The following CEACAM20 variants were observed in gnomAD, a reference collection of about 807,000 sequenced individuals.
CEACAM20 encodes cell adhesion molecule CEACAM20.
In CEACAM20, 50 loss-of-function variants were observed where a neutral mutation model predicts 61.2. The ratio of observed to expected loss-of-function variants is 0.82; its 90% CI spans 0.65 to 1.03. The LOEUF is 1.03. Ranked by LOEUF, CEACAM20 falls within the 50% of genes least tolerant of loss-of-function variation. The pLI, the probability that CEACAM20 is intolerant of heterozygous loss-of-function variation, is 0.00. For synonymous variants in CEACAM20, 282 were observed against 287.7 expected (o/e 0.98, Z 0.20); for missense variants, 683 against 736.4 (o/e 0.93, Z 0.84).
Position 44,513,176 on chromosome 19 carries a change from T to C in CEACAM20, c.1423A>G (p.Arg475Gly), listed in dbSNP as rs770959812. The C allele has an allele frequency of 1.2e-6, 2 of 1,610,296 alleles. No homozygotes were observed. Among genetic ancestry groups the C allele is most frequent in the Non-Finnish European group, 1.7e-6 (2 of 1,176,748 alleles). The change falls in exon 7 of 12, where the codon AGA (arginine) becomes GGA (glycine). Residue 475 changes from arginine (R) to glycine (G), a missense_variant. Arg to Gly is a moderately radical substitution (Grantham distance 125). Coordinates refer to ENST00000614924, the MANE Select transcript of CEACAM20 (RefSeq NM_001102597.3). ...LGYFLCIRNA[R>G]RPSRKTTEDP... The stretch of plus-strand genomic sequence containing the variant: ...CTCCCTGTATCCCTGTGTTACCGTC[T>C]GGCATTTCTGATGCAGAGAAAATAG...
chr19:44,512,787 C>T (rs1971039194), intron 8 of CEACAM20, 81 bp downstream of exon 8: 2 of 1,161,954 alleles, frequency 1.7e-6, no homozygotes, highest in Admixed American at 4.0e-5. Context: ...GACCTGGTGG[C>T]AAAGCTGGGA....
At chr19:44,511,539 G>A in intron 10 of CEACAM20, 98 bp downstream of exon 10, 1 of 1,249,088 alleles carries the variant, frequency 8.0e-7, no homozygotes, top group Non-Finnish European at 1.1e-6. Flanking sequence ...GCCATGAAAT[G>A]TTTAGACAAG....
chr19:44,522,967 T>G, intron 3 of CEACAM20, 55 bp from the exon 4 acceptor site: 1 of 1,449,316 alleles, frequency 6.9e-7, no homozygotes, highest in South Asian at 1.2e-5. Context: ...ACAGGTCTCT[T>G]ATGGAGGTCT....
At chr19:44,511,784 C>A in intron 9 of CEACAM20, 112 bp from the exon 10 acceptor site, 1 of 1,122,502 alleles carries the variant, frequency 8.9e-7, no homozygotes, top group Non-Finnish European at 1.3e-6. Context: ...TTCTGATTCC[C>A]AGAGGGCTCA....
At chr19:44,525,024 C>T in intron 2 of CEACAM20, 77 bp downstream of exon 2, 3 of 1,567,028 alleles carry the variant, frequency 1.9e-6, no homozygotes, top group Non-Finnish European at 2.6e-6. Context: ...CCTCTGGGGA[C>T]TTTGGGCGTG....
intron 5 of CEACAM20, 57 bp from the exon 6 acceptor site, chr19:44,517,281 C>A: frequency 6.4e-7 from 1 of 1,573,426 alleles, no homozygotes; most frequent in Non-Finnish European, 8.6e-7. Context: ...TCATCCCATT[C>A]TGCCCCATTC....
At position 44,522,642 on chromosome 19, in the gene CEACAM20, C is replaced by G. The variant is rs749173684; in HGVS notation, c.743G>C (p.Arg248Pro). Residue 248 changes from arginine to proline, a missense_variant, in exon 4 of 12, where the codon CGA becomes CCA. Physicochemically the swap from Arg to Pro is moderately radical, Grantham distance 103 (BLOSUM62 -2). Coordinates refer to ENST00000614924, the MANE Select transcript of CEACAM20 (RefSeq NM_001102597.3). Reference sequence around the variant, plus strand: ...CGGGAAAGGAGACTCACCAAGTACTCGGACCTTCAGAGTACCCAGGCTGGA... The same window carrying G: ...CGGGAAAGGAGACTCACCAAGTACTGGGACCTTCAGAGTACCCAGGCTGGA... ...HLSSLGTLKV[R>P]VLETLTMPQV... 1 of 1,612,582 alleles carries G rather than the reference C, an allele frequency of 6.2e-7. No individual in the cohort carries two copies. Among genetic ancestry groups the G allele is most frequent in the African/African-American group, 1.3e-5 (1 of 74,888 alleles).
At chr19:44,525,277 G>A in intron 1 of CEACAM20, 33 bp from the exon 2 acceptor site, 2 of 1,549,084 alleles carry the variant, frequency 1.3e-6, no homozygotes, top group Non-Finnish European at 1.7e-6. Flanking sequence ...TTCAGGGAGG[G>A]AGAGGTGTGT....
At position 44,520,639 on chromosome 19, in the gene CEACAM20, G is replaced by A. The variant is rs952362514; in HGVS notation, c.865C>T (p.Leu289=). The A allele has an allele frequency of 1.9e-5, 30 of 1,613,928 alleles. No individual in the cohort carries two copies. The highest frequency in any genetic ancestry group is 2.5e-5 in the Non-Finnish European group (29 of 1,179,900). ...VNQSVNVQWF[L]SGQPLLPSEH... is the part of the protein sequence containing the mutation. ...CTGGGCAGGAGGGGCTGGCCACTTAGGAACCACTGGACATTCACACTCTGA... is the reference window on the plus strand; with the variant it reads ...CTGGGCAGGAGGGGCTGGCCACTTAAGAACCACTGGACATTCACACTCTGA... The change falls in exon 5 of 12, where the codon CTA becomes TTA. Residue 289 remains leucine (L), a synonymous_variant. Transcript: ENST00000614924.
chr19:44,515,091 A>G (rs919194390), intron 6 of CEACAM20, among the ~76,000 whole-genome samples: 3 of 151,988 alleles, frequency 2.0e-5, no homozygotes, highest in East Asian at 1.9e-4. Context: ...ACCTGCCTCA[A>G]CCTCCCAAAG....
chr19:44,525,504 G>A (rs546619597), intron 1 of CEACAM20, among the ~76,000 whole-genome samples: 6 of 152,092 alleles, frequency 3.9e-5, no homozygotes, highest in African/African-American at 9.7e-5. Context: ...ATGCAGTGGC[G>A]CAATCTCAGC....
chr19:44,522,984 G>T, intron 3 of CEACAM20, 72 bp from the exon 4 acceptor site: 1 of 1,288,132 alleles, frequency 7.8e-7, no homozygotes, highest in Non-Finnish European at 1.1e-6. Context: ...GTCTTTAACG[G>T]ATCAATAAAT....
intron 11 of CEACAM20, among the ~76,000 whole-genome samples, chr19:44,509,429 T>C (rs901400304): frequency 7.4e-5 from 11 of 149,264 alleles, no homozygotes; most frequent in Non-Finnish European, 1.6e-4. Context: ...GAAATGAAAC[T>C]GAAATCAATG....
At position 44,529,495 on chromosome 19, in the gene CEACAM20, G is replaced by C. The variant is rs1421271154; in HGVS notation, c.15C>G (p.Asp5Glu). 1 of 1,613,776 alleles carries C rather than the reference G, an allele frequency of 6.2e-7. No individual in the cohort carries two copies. The highest frequency in any genetic ancestry group is 1.7e-5 in the Admixed American group (1 of 60,000). Residue 5 changes from aspartate to glutamate, a missense_variant, in exon 1 of 12, where the codon GAC becomes GAG. Physicochemically the swap from Asp to Glu is conservative, Grantham distance 45. Coordinates refer to ENST00000614924, the MANE Select transcript of CEACAM20 (RefSeq NM_001102597.3). MGPA[D>E]SWGHHWMGIL... ...TTCCCATCCAGTGGTGTCCCCATGAGTCAGCAGGCCCCATGGGTCCCGGCA... is the reference window on the plus strand; with the variant it reads ...TTCCCATCCAGTGGTGTCCCCATGACTCAGCAGGCCCCATGGGTCCCGGCA...
rs753102567 is a variant in CEACAM20 at position 44,511,049 on chromosome 19, T to C, written c.1718A>G (p.Asn573Ser). 1.2e-6 allele frequency: 2 copies of C among 1,613,642 alleles called. No individual in the cohort carries two copies. Among genetic ancestry groups the C allele is most frequent in the East Asian group, 2.2e-5 (1 of 44,868 alleles). Residue 573 changes from asparagine to serine, a missense_variant, in exon 11 of 12, where the codon AAC becomes AGC. Asn to Ser is a conservative substitution (Grantham distance 46). Transcript: ENST00000614924. ...PLRLVSTVPKNMESIYEELVN... is the reference protein window; with the variant it reads ...PLRLVSTVPKSMESIYEELVN... ...ACATACCTCATAGATTGACTCCATGTTTTTTGGCACAGTGGAGACCAATCT... is the reference window on the plus strand; with the variant it reads ...ACATACCTCATAGATTGACTCCATGCTTTTTGGCACAGTGGAGACCAATCT...
Position 44,522,759 on chromosome 19 carries a change from G to A in CEACAM20, c.626C>T (p.Ser209Phe), listed in dbSNP as rs746659853. Residue 209 changes from serine to phenylalanine, a missense_variant, in exon 4 of 12, where the codon TCT becomes TTT. Transcript: ENST00000614924. ...GATGGTGAATGTTCTCGTGGTGTGAGACAGAATGGAGTCAAGGAGAAACCA... is the reference window on the plus strand; with the variant it reads ...GATGGTGAATGTTCTCGTGGTGTGAAACAGAATGGAGTCAAGGAGAAACCA... ...YTWFLLDSIL[S>F]HTTRTFTIHA... 1.4e-5 allele frequency: 23 copies of A among 1,613,926 alleles called. No individual in the cohort carries two copies. The Middle Eastern group carries it at 4.9e-4, about 35-fold the overall frequency.
At chr19:44,506,517 A>G (rs995054630) in intron 11 of CEACAM20, among the ~76,000 whole-genome samples, 1 of 152,204 alleles carries the variant, frequency 6.6e-6, no homozygotes, top group Admixed American at 6.5e-5. Flanking sequence ...TCTAACCAAT[A>G]GAATATGGCA....
intron 6 of CEACAM20, among the ~76,000 whole-genome samples, chr19:44,514,202 T>C (rs1201779853): frequency 6.6e-6 from 1 of 152,288 alleles, no homozygotes; most frequent in East Asian, 1.9e-4. Flanking sequence ...AAAGATGAGA[T>C]GAAATCATGA....
intron 11 of CEACAM20, 35 bp from the exon 12 acceptor site, chr19:44,506,249 C>T (rs1163931695): frequency 5.5e-5 from 87 of 1,593,122 alleles, no homozygotes; most frequent in Non-Finnish European, 6.9e-5. Flanking sequence ...GCTCCATTTG[C>T]TAGGTGGACC....
Sources: gnomAD v4.1 joint callset for allele counts (sites outside exome capture counted in the v4.1 genomes callset) on GRCh38, gnomAD v4.1.1 for gene constraint, MANE v1.5 for transcripts, NCBI Gene and HGNC (gene_info 2026-07-23, HGNC 2026-07-21) for gene names.